The following ASAP2 variants were observed in gnomAD, a reference collection of about 807,000 sequenced individuals.
The protein encoded by ASAP2 is arf-GAP with SH3 domain, ANK repeat and PH domain-containing protein 2.
ASAP2 carries 45 observed loss-of-function variants against 131.4 expected under a neutral mutation model. That is an observed-to-expected ratio of 0.34 (90% CI 0.27 to 0.44). The LOEUF is 0.44. Ranked by LOEUF, ASAP2 falls within the 20% of genes least tolerant of loss-of-function variation. ASAP2 has a pLI of 1.00. For missense variants in ASAP2, 1,011 were observed against 1,297.0 expected, an observed-to-expected ratio of 0.78 and a Z score of 3.39; for synonymous variants, 510 against 503.0, an observed-to-expected ratio of 1.01 and a Z score of -0.19.
In ASAP2 at chr2:9,393,610, C is replaced by G. The variant is rs1473013426; in HGVS notation, c.2647C>G (p.Pro883Ala). The change falls in exon 24 of 28, where the codon CCG becomes GCG. Residue 883 changes from proline to alanine, a missense_variant. Physicochemically the swap from Pro to Ala is conservative, Grantham distance 27. Around this residue, in one of 2 missense-constraint regions of ASAP2, gnomAD observed 652 missense variants for 698.9 expected, o/e 0.93. Coordinates refer to ENST00000281419, the MANE Select transcript of ASAP2 (RefSeq NM_003887.3). ...QIRPPPLPPQ[P>A]PSRLPQKKPA... ...CAGGCCCCCACCTCTGCCCCCACAG[C>G]CGCCCAGCCGCCTCCCGCAGAAGAA... 5 of 1,588,142 alleles carry G rather than the reference C, an allele frequency of 3.1e-6. No individual in the cohort carries two copies. The highest frequency in any genetic ancestry group is 4.3e-6 in the Non-Finnish European group (5 of 1,169,732).
chr2:9,390,252 T>G (rs2148791295), intron 22 of ASAP2, among the ~76,000 whole-genome samples: 1 of 152,370 alleles, frequency 6.6e-6, no homozygotes, highest in East Asian at 1.9e-4. Flanking sequence ...AATTCTCACA[T>G]GCAGATAAAT....
At chr2:9,378,191 A>G (rs1185361318) in intron 18 of ASAP2, among the ~76,000 whole-genome samples, 1 of 152,164 alleles carries the variant, frequency 6.6e-6, no homozygotes, top group Non-Finnish European at 1.5e-5. Context: ...CCACTTCCTG[A>G]GATCGCCTTT....
intron 16 of ASAP2, among the ~76,000 whole-genome samples, chr2:9,370,328 T>C (rs1673849945): frequency 6.6e-6 from 1 of 152,246 alleles, no homozygotes. Context: ...ATTTAGTTGT[T>C]GTTGGATTAA....
At chr2:9,387,270 A>C (rs1572613119) in intron 21 of ASAP2, among the ~76,000 whole-genome samples, 1 of 151,816 alleles carries the variant, frequency 6.6e-6, no homozygotes, top group Non-Finnish European at 1.5e-5. Context: ...CAAACTCTTA[A>C]AGGGCCAGAT....
intron 3 of ASAP2, among the ~76,000 whole-genome samples, chr2:9,312,437 A>G (rs1055268539): frequency 2.0e-5 from 3 of 151,900 alleles, no homozygotes; most frequent in Admixed American, 6.6e-5. Flanking sequence ...ACCACCCTCT[A>G]TGCCATTCCT....
intron 1 of ASAP2, among the ~76,000 whole-genome samples, chr2:9,233,634 A>C (rs1663327314): frequency 6.6e-6 from 1 of 152,196 alleles, no homozygotes; most frequent in African/African-American, 2.4e-5. Context: ...ACTCAGATAT[A>C]GGTTTTGCTA....
chr2:9,391,383 C>T (rs561669399), intron 23 of ASAP2, among the ~76,000 whole-genome samples, 187 bp downstream of exon 23: 1 of 152,226 alleles, frequency 6.6e-6, no homozygotes, highest in Admixed American at 6.5e-5. Flanking sequence ...CTGCAAACCC[C>T]TGCCTGTCCC....
chr2:9,330,788 G>A (rs1056530256), intron 7 of ASAP2, among the ~76,000 whole-genome samples: 1 of 151,858 alleles, frequency 6.6e-6, no homozygotes, highest in Non-Finnish European at 1.5e-5. Context: ...CCTTTATTTT[G>A]CCCAAACCAG....
At chr2:9,212,885 GCGAAGCACTGTTCGAGA>G (rs1661693472) in intron 1 of ASAP2, among the ~76,000 whole-genome samples, 2 of 152,218 alleles carry the variant, frequency 1.3e-5, no homozygotes, top group Admixed American at 6.5e-5. Context: ...GTGAGAGCTT[GCGAAGCACTGTTCGAGA>G]CGGAACCCCG....
intron 1 of ASAP2, among the ~76,000 whole-genome samples, chr2:9,261,051 A>G (rs1174873505): frequency 1.3e-5 from 2 of 152,086 alleles, no homozygotes; most frequent in African/African-American, 4.8e-5. Flanking sequence ...TTGGGGTGGC[A>G]GGAGCTGGCT....
At chr2:9,318,392 A>T (rs1669942767) in intron 3 of ASAP2, 132 bp from the exon 4 acceptor site, 1 of 670,834 alleles carries the variant, frequency 1.5e-6, no homozygotes, top group African/African-American at 1.8e-5. Context: ...TGAATAAGGC[A>T]CAGTACATGC....
chr2:9,215,749 G>A (rs1279305085), intron 1 of ASAP2, among the ~76,000 whole-genome samples: 1 of 143,740 alleles, frequency 7.0e-6, no homozygotes, highest in Non-Finnish European at 1.5e-5. Flanking sequence ...TTATTATACT[G>A]TCCTTGCCAT....
chr2:9,255,699 T>C (rs1226136169), intron 1 of ASAP2, among the ~76,000 whole-genome samples: 3 of 152,246 alleles, frequency 2.0e-5, no homozygotes, highest in East Asian at 1.9e-4. Flanking sequence ...GCCAGCACCA[T>C]GTGGTGCTCC....
intron 1 of ASAP2, among the ~76,000 whole-genome samples, chr2:9,234,840 T>C (rs955017529): frequency 5.3e-5 from 8 of 152,150 alleles, no homozygotes; most frequent in Non-Finnish European, 1.0e-4. Context: ...GCATATTGTC[T>C]CTTTGTTCTC....
At chr2:9,396,889 C>A (rs950761416) in intron 24 of ASAP2, among the ~76,000 whole-genome samples, 2 of 152,192 alleles carry the variant, frequency 1.3e-5, no homozygotes, top group Non-Finnish European at 2.9e-5. Flanking sequence ...GTAATCCCAG[C>A]TACTCGGGAG....
At chr2:9,271,675 C>T (rs1019712738) in intron 1 of ASAP2, 17 of 615,034 alleles carry the variant, frequency 2.8e-5, no homozygotes, top group South Asian at 2.6e-4. Context: ...CGGAAGACGG[C>T]GGGCAGAGGG....
chr2:9,343,230 T>C (rs1671710061), intron 9 of ASAP2, among the ~76,000 whole-genome samples: 2 of 152,188 alleles, frequency 1.3e-5, no homozygotes, highest in East Asian at 3.9e-4. Context: ...CTTATTTTCA[T>C]TGTGTCCCTG....
chr2:9,271,321 C>T (rs1666377902), intron 1 of ASAP2: 11 of 962,104 alleles, frequency 1.1e-5, no homozygotes, highest in East Asian at 4.8e-5. Flanking sequence ...CGTCCTTAGC[C>T]AGTCCAAGCT....
chr2:9,229,569 C>T (rs144251472), intron 1 of ASAP2, among the ~76,000 whole-genome samples: 228 of 152,322 alleles, frequency 1.5e-3, no homozygotes, highest in African/African-American at 5.4e-3. Context: ...TTGTGGCCAG[C>T]ATTGAGCTGG....
Sources: allele counts gnomAD v4.1 joint callset (sites outside exome capture counted in the v4.1 genomes callset), GRCh38; gene constraint gnomAD v4.1.1; regional missense constraint gnomAD v4.1.1; transcripts MANE v1.5; gene names NCBI Gene and HGNC (gene_info 2026-07-23, HGNC 2026-07-21).